SGCD: variants seen among roughly 807,000 people sequenced by gnomAD.
SGCD encodes the protein sarcoglycan delta.
A neutral mutation model predicts 36.6 loss-of-function variants in SGCD; 18 were observed. The observed-to-expected ratio is 0.49, with a 90% CI of 0.34 to 0.73. The LOEUF (loss-of-function observed/expected upper bound fraction) is 0.73, where lower values mean the gene tolerates loss of function less well. Ranked by LOEUF, SGCD falls within the 30% of genes least tolerant of loss-of-function variation. The pLI is 0.01. For synonymous variants in SGCD, 133 were observed against 130.6 expected, an observed-to-expected ratio of 1.02 and a Z score of -0.12; for missense variants, 387 against 346.7, an observed-to-expected ratio of 1.12 and a Z score of -0.92.
intron 6 of SGCD, among the ~76,000 whole-genome samples, chr5:156,620,211 A>G (rs1762188784): frequency 6.6e-6 from 1 of 152,168 alleles, no homozygotes; most frequent in Non-Finnish European, 1.5e-5. Flanking sequence ...AGCACTACAT[A>G]ATTATGTCAA....
intron 7 of SGCD, among the ~76,000 whole-genome samples, chr5:156,751,211 G>A (rs878885533): frequency 6.6e-6 from 1 of 152,146 alleles, no homozygotes; most frequent in African/African-American, 2.4e-5. Flanking sequence ...AGCCATAAAG[G>A]TATGGGAATA....
chr5:156,256,130 A>T (rs114902899), intron 3 of SGCD, among the ~76,000 whole-genome samples: 13 of 152,278 alleles, frequency 8.5e-5, no homozygotes, highest in Non-Finnish European at 1.9e-4. Flanking sequence ...TTTTGCAAGT[A>T]GAGAAAGGGA....
At chr5:156,138,727 G>A (rs1367488177) in intron 3 of SGCD, among the ~76,000 whole-genome samples, 15 of 152,224 alleles carry the variant, frequency 9.9e-5, no homozygotes, top group Admixed American at 9.8e-4. Context: ...TGAAATTTCT[G>A]TGATGTGGGG....
chr5:156,756,873 G>A (rs997853995), intron 7 of SGCD, among the ~76,000 whole-genome samples: 6 of 152,126 alleles, frequency 3.9e-5, no homozygotes, highest in Non-Finnish European at 1.5e-5. Context: ...GACCCTCTCT[G>A]CAGTGCAGAA....
intron 1 of SGCD, among the ~76,000 whole-genome samples, chr5:156,010,924 A>G (rs1245860699): frequency 3.3e-5 from 5 of 152,126 alleles, no homozygotes; most frequent in South Asian, 2.1e-4. Flanking sequence ...GGCTTGTTTC[A>G]TGTTTATAGC....
At chr5:156,231,544 C>A (rs987945486) in intron 3 of SGCD, among the ~76,000 whole-genome samples, 1 of 151,896 alleles carries the variant, frequency 6.6e-6, no homozygotes, top group African/African-American at 2.4e-5. Context: ...TCAAATAAAT[C>A]AATCAATAAA....
chr5:155,740,687 T>G, the SGCD span, among the ~76,000 whole-genome samples: 1 of 137,802 alleles, frequency 7.3e-6, no homozygotes, highest in East Asian at 2.7e-4. Context: ...TGAGGGATTG[T>G]GTTTGTATCA....
intron 3 of SGCD, among the ~76,000 whole-genome samples, chr5:156,433,341 C>T (rs192786768): frequency 2.0e-5 from 3 of 152,274 alleles, no homozygotes; most frequent in Admixed American, 1.3e-4. Context: ...AAACCATAGC[C>T]TATTCACATG....
At chr5:156,327,964 T>G (rs996317207) in intron 1 of SGCD, among the ~76,000 whole-genome samples, 1 of 152,216 alleles carries the variant, frequency 6.6e-6, no homozygotes, top group African/African-American at 2.4e-5. Flanking sequence ...AATAAAAAAG[T>G]AACAGAAAAT....
At chr5:156,425,931 A>G (rs917751266) in intron 3 of SGCD, among the ~76,000 whole-genome samples, 1 of 152,060 alleles carries the variant, frequency 6.6e-6, no homozygotes, top group Non-Finnish European at 1.5e-5. Context: ...CAGTACATAT[A>G]TACCAAATAT....
intron 6 of SGCD, among the ~76,000 whole-genome samples, chr5:156,641,665 T>C (rs1763032946): frequency 6.6e-6 from 1 of 152,238 alleles, no homozygotes; most frequent in African/African-American, 2.4e-5. Flanking sequence ...TATAAAGTTT[T>C]AATGGGCATG....
At chr5:156,758,196 T>C (rs533887936) in intron 8 of SGCD, 33 of 157,512 alleles carry the variant, frequency 2.1e-4, no homozygotes, top group African/African-American at 7.4e-4. Context: ...AATGAAACAC[T>C]GCAGATATTC....
At chr5:156,682,053 A>G (rs1753742206) in intron 7 of SGCD, among the ~76,000 whole-genome samples, 1 of 152,220 alleles carries the variant, frequency 6.6e-6, no homozygotes, top group Admixed American at 6.5e-5. Flanking sequence ...CTTAGAATCT[A>G]TATAAAAAGG....
intron 3 of SGCD, among the ~76,000 whole-genome samples, chr5:156,423,404 T>TAATATAATATATTATATTTTAATAA (rs1561686020): frequency 8.3e-6 from 1 of 119,954 alleles, no homozygotes; most frequent in Non-Finnish European, 1.7e-5. Flanking sequence ...TATTTTATTA[T>TAATATAATATATTATATTTTAATAA]AATATAATAT....
chr5:156,727,670 T>C (rs1205071495), intron 7 of SGCD, among the ~76,000 whole-genome samples: 1 of 131,302 alleles, frequency 7.6e-6, no homozygotes, highest in Non-Finnish European at 1.7e-5. Context: ...TAGATCTGGG[T>C]TTTTTTCTGT....
rs59580975 is a variant in SGCD, at chr5:156,504,392, G to GTATATATATA, written c.193-4185_193-4176dup. Among the ~76,000 whole-genome samples, 152 of 75,044 alleles carry GTATATATATA rather than the reference G, an allele frequency of 2.0e-3. 1 individual carries two copies. The highest frequency in any genetic ancestry group is 3.8e-3 in the African/African-American group (98 of 25,910). 49.2% of individuals were successfully genotyped at this position (75,044 alleles called of 152,430 possible). A position where few individuals can be genotyped will look rare whatever the true frequency, so the allele number is the denominator to read the frequency against. On this transcript the variant is annotated intron_variant, in intron 3 of 8. Coordinates refer to ENST00000337851, the MANE Select transcript of SGCD (RefSeq NM_000337.6). ...CATGAGTATATGTGGGTGTGTGTGT[G>GTATATATATA]TATATATATATATATATATATATAT...
intron 6 of SGCD, among the ~76,000 whole-genome samples, chr5:156,615,836 GGA>G (rs947989758): frequency 6.6e-6 from 1 of 152,134 alleles, no homozygotes; most frequent in Admixed American, 6.5e-5. Flanking sequence ...GGGTGTAGTG[GGA>G]GAGAGAGAGT....
the SGCD span, among the ~76,000 whole-genome samples, chr5:155,827,313 C>T: frequency 1.3e-5 from 2 of 152,062 alleles, no homozygotes; most frequent in Non-Finnish European, 2.9e-5. Flanking sequence ...GTATGGCAGC[C>T]CTGGTGCATC....
chr5:156,235,450 C>G (rs558852541), intron 3 of SGCD, among the ~76,000 whole-genome samples: 5 of 152,264 alleles, frequency 3.3e-5, no homozygotes, highest in African/African-American at 1.2e-4. Flanking sequence ...GCCAATAGCA[C>G]AGGAAGGAAA....
Sources: allele counts gnomAD v4.1 joint callset (sites outside exome capture counted in the v4.1 genomes callset), GRCh38; gene constraint gnomAD v4.1.1; transcripts MANE v1.5; gene names NCBI Gene and HGNC (gene_info 2026-07-23, HGNC 2026-07-21).